The following CMTM8 variants were observed in gnomAD, a reference collection of about 807,000 sequenced individuals.
CMTM8 encodes CKLF like MARVEL transmembrane domain containing 8, also known as CKLF-like MARVEL transmembrane domain-containing protein 8.
CMTM8 carries 12 observed loss-of-function variants against 18.6 expected under a neutral mutation model. That is an observed-to-expected ratio of 0.65 (90% CI 0.41 to 1.05). The LOEUF is 1.05. Ranked by LOEUF, CMTM8 falls within the 50% of genes least tolerant of loss-of-function variation. The pLI is 0.00. For synonymous variants in CMTM8, 87 were observed against 90.6 expected (o/e 0.96, Z 0.23); for missense variants, 217 against 227.2 (o/e 0.95, Z 0.29).
intron 1 of CMTM8, among the ~76,000 whole-genome samples, chr3:32,250,907 A>C (rs565766550): frequency 6.6e-6 from 1 of 152,012 alleles, no homozygotes; most frequent in Non-Finnish European, 1.5e-5. Context: ...AATGAGTTCT[A>C]TATCCTTTCT....
At chr3:32,343,100 T>C (rs1207654044) in intron 1 of CMTM8, among the ~76,000 whole-genome samples, 1 of 152,190 alleles carries the variant, frequency 6.6e-6, no homozygotes, top group Non-Finnish European at 1.5e-5. Context: ...AATCAAACAA[T>C]GAAGACTATG....
At chr3:32,302,242 G>C (rs1695635345) in intron 1 of CMTM8, among the ~76,000 whole-genome samples, 2 of 152,256 alleles carry the variant, frequency 1.3e-5, no homozygotes, top group Non-Finnish European at 2.9e-5. Flanking sequence ...GAGATGCCGT[G>C]AGCTATGATT....
In CMTM8 at chr3:32,238,802, G is replaced by A. The variant is rs1701903732; in HGVS notation, c.-171G>A. The A allele has an allele frequency of 2.6e-6, 1 of 385,760 alleles. No individual in the cohort carries two copies. Among genetic ancestry groups the A allele is most frequent in the Non-Finnish European group, 4.4e-6 (1 of 229,712 alleles). The allele number at this position is 385,760 out of a possible 1,614,324, so 23.9% of individuals were successfully genotyped here. On this transcript the variant is annotated 5_prime_UTR_variant, in exon 1 of 4. Transcript: ENST00000307526. ...CGCTAGGGGCACCGCGCACTAGAGG[G>A]ACACCCGCCGCGCCTGGACAGCCCC... is the stretch of plus-strand genomic sequence containing the variant.
At chr3:32,343,924 C>T (rs1696548260) in intron 1 of CMTM8, among the ~76,000 whole-genome samples, 1 of 152,226 alleles carries the variant, frequency 6.6e-6, no homozygotes, top group Non-Finnish European at 1.5e-5. Context: ...TGGTCTCAAA[C>T]TCCTGACCTC....
intron 1 of CMTM8, among the ~76,000 whole-genome samples, chr3:32,279,941 A>AT (rs759199814): frequency 2.6e-5 from 4 of 151,046 alleles, no homozygotes; most frequent in Non-Finnish European, 4.4e-5. Flanking sequence ...GATGATGAGC[A>AT]TTTTTTCATG....
At chr3:32,363,200 C>G (rs1394041098) in intron 2 of CMTM8, among the ~76,000 whole-genome samples, 1 of 152,184 alleles carries the variant, frequency 6.6e-6, no homozygotes, top group African/African-American at 2.4e-5. Flanking sequence ...TTATTTCTCT[C>G]TCCTGTGATA....
intron 1 of CMTM8, among the ~76,000 whole-genome samples, chr3:32,348,533 T>TTTTTTTTTC (rs1696645883): frequency 6.9e-6 from 1 of 145,538 alleles, no homozygotes; most frequent in Non-Finnish European, 1.5e-5. Context: ...CTGGAACTTT[T>TTTTTTTTTC]TTTTTTTTTG....
chr3:32,311,537 G>A (rs1244155597), intron 1 of CMTM8, among the ~76,000 whole-genome samples: 1 of 152,136 alleles, frequency 6.6e-6, no homozygotes, highest in Non-Finnish European at 1.5e-5. Context: ...GGACCCTTGT[G>A]ACTATATCAG....
intron 1 of CMTM8, among the ~76,000 whole-genome samples, chr3:32,322,256 A>G (rs533495173): frequency 6.6e-6 from 1 of 152,030 alleles, no homozygotes; most frequent in African/African-American, 2.4e-5. Flanking sequence ...CTGTGTATTC[A>G]TTAGATGGCT....
chr3:32,289,912 C>A, intron 1 of CMTM8, among the ~76,000 whole-genome samples: 1 of 152,128 alleles, frequency 6.6e-6, no homozygotes, highest in Non-Finnish European at 1.5e-5. Context: ...CGGTAGATTG[C>A]TCGAGCTTAG....
intron 1 of CMTM8, chr3:32,259,382 C>CGCATTGTTCTGCAGATTGACAATGCCT (rs1702223010): frequency 7.1e-6 from 6 of 847,824 alleles, no homozygotes; most frequent in Non-Finnish European, 1.2e-5. Context: ...GGACAATGCC[C>CGCATTGTTCTGCAGATTGACAATGCCT]GCATTGTTCT....
intron 1 of CMTM8, among the ~76,000 whole-genome samples, chr3:32,347,313 G>A (rs191939190): frequency 2.1e-3 from 260 of 124,036 alleles, no homozygotes; most frequent in Non-Finnish European, 2.8e-3. Flanking sequence ...TTTTTTTGGC[G>A]TTAGTTCTCT....
At chr3:32,368,535 A>G (rs903781251) in intron 3 of CMTM8, among the ~76,000 whole-genome samples, 2 of 147,552 alleles carry the variant, frequency 1.4e-5, no homozygotes, top group Non-Finnish European at 3.0e-5. Context: ...ATTATAGCTC[A>G]CTGCAACCTG....
At chr3:32,360,124 C>T (rs1266163870) in intron 2 of CMTM8, among the ~76,000 whole-genome samples, 2 of 152,226 alleles carry the variant, frequency 1.3e-5, no homozygotes, top group Admixed American at 1.3e-4. Flanking sequence ...TGTGAGGCAC[C>T]AGTCAGGTTG....
At chr3:32,293,681 A>C (rs983610540) in intron 1 of CMTM8, among the ~76,000 whole-genome samples, 2 of 152,066 alleles carry the variant, frequency 1.3e-5, no homozygotes, top group African/African-American at 4.8e-5. Flanking sequence ...CCTCGTCTCT[A>C]CTAAAAATAC....
intron 1 of CMTM8, among the ~76,000 whole-genome samples, chr3:32,312,986 G>A (rs1695849424): frequency 6.6e-6 from 1 of 151,760 alleles, no homozygotes; most frequent in South Asian, 2.1e-4. Context: ...AAATTATAAG[G>A]GTTTTAGGAG....
chr3:32,357,307 T>G, intron 1 of CMTM8, 66 bp from the exon 2 acceptor site: 1 of 1,176,514 alleles, frequency 8.5e-7, no homozygotes, highest in Non-Finnish European at 1.2e-6. Flanking sequence ...TCTTTGTCCC[T>G]CCTTCCTTCT....
chr3:32,338,046 C>T (rs1467213807), intron 1 of CMTM8, among the ~76,000 whole-genome samples: 2 of 144,390 alleles, frequency 1.4e-5, no homozygotes, highest in Admixed American at 7.2e-5. Context: ...TGCAGTGGTG[C>T]AATCTTGGCT....
chr3:32,261,539 T>C (rs1702258670), intron 1 of CMTM8, among the ~76,000 whole-genome samples: 1 of 147,928 alleles, frequency 6.8e-6, no homozygotes, highest in South Asian at 2.1e-4. Context: ...GAAAATACCA[T>C]TTGTTTGTTT....
Sources: gnomAD v4.1 joint callset for allele counts (sites outside exome capture counted in the v4.1 genomes callset) on GRCh38, gnomAD v4.1.1 for gene constraint, MANE v1.5 for transcripts, NCBI Gene and HGNC (gene_info 2026-07-23, HGNC 2026-07-21) for gene names.